RSRC1: variants seen among roughly 807,000 people sequenced by gnomAD.
The protein encoded by RSRC1 is serine/Arginine-related protein 53.
In RSRC1, 39 loss-of-function variants were observed where a neutral mutation model predicts 49.1. That is an observed-to-expected ratio of 0.79 (90% CI 0.61 to 1.04). The LOEUF (loss-of-function observed/expected upper bound fraction) is 1.04. RSRC1 is among the 50% of genes least tolerant of loss of function. The pLI is 0.00. For missense variants in RSRC1, 388 were observed against 402.4 expected (o/e 0.96, Z 0.31); for synonymous variants, 143 against 130.8 (o/e 1.09, Z -0.63).
At chr3:158,535,365 AG>A (rs1712659998) in intron 7 of RSRC1, among the ~76,000 whole-genome samples, 1 of 151,440 alleles carries the variant, frequency 6.6e-6, no homozygotes, top group African/African-American at 2.4e-5. Context: ...GTAAGAAAAA[AG>A]ATGTACAAAT....
intron 4 of RSRC1, among the ~76,000 whole-genome samples, chr3:158,217,980 A>G (rs1315771312): frequency 1.3e-5 from 2 of 151,394 alleles, no homozygotes; most frequent in Non-Finnish European, 3.0e-5. Flanking sequence ...CAGAGAGAGG[A>G]AACATCATCA....
intron 6 of RSRC1, among the ~76,000 whole-genome samples, chr3:158,437,852 C>T (rs970447276): frequency 1.3e-5 from 2 of 152,028 alleles, no homozygotes; most frequent in African/African-American, 4.8e-5. Context: ...AAAGGGTATT[C>T]AATTAGAAAA....
chr3:158,353,862 T>G (rs561967636), intron 5 of RSRC1, among the ~76,000 whole-genome samples: 100 of 152,234 alleles, frequency 6.6e-4, no homozygotes, highest in African/African-American at 2.3e-3. Flanking sequence ...GGACAACAGT[T>G]TTTTTAACAG....
chr3:158,300,743 T>A (rs930672238), intron 5 of RSRC1, among the ~76,000 whole-genome samples: 2 of 152,192 alleles, frequency 1.3e-5, no homozygotes, highest in African/African-American at 4.8e-5. Context: ...CTTTCTTCAG[T>A]CTTTGTTTTT....
In RSRC1 at chr3:158,417,362, C is replaced by A. The variant is rs1406947176; in HGVS notation, c.584-43573C>A. On this transcript the variant is annotated intron_variant, in intron 6 of 9. Transcript: ENST00000611884. ...AGCATTTTATTTATGTTAGAGAAAT[C>A]TCTGCTTCACATGCAAATTGTTTTC... 2.0e-5 allele frequency among the ~76,000 whole-genome samples: 3 copies of A among 152,150 alleles called. No individual in the cohort carries two copies. In the East Asian group the frequency reaches 5.8e-4, roughly 30 times the overall value.
intron 3 of RSRC1, among the ~76,000 whole-genome samples, chr3:158,126,990 T>C (rs1447013819): frequency 2.0e-5 from 3 of 152,180 alleles, no homozygotes; most frequent in Admixed American, 6.6e-5. Flanking sequence ...GCAAAATTGC[T>C]GAAATCTTAT....
intron 6 of RSRC1, among the ~76,000 whole-genome samples, chr3:158,371,075 T>C (rs959164288): frequency 6.6e-6 from 1 of 151,890 alleles, no homozygotes; most frequent in African/African-American, 2.4e-5. Flanking sequence ...TTACCATCTG[T>C]ATACTTTCTG....
intron 3 of RSRC1, among the ~76,000 whole-genome samples, chr3:158,168,228 T>C (rs986889378): frequency 5.3e-5 from 8 of 152,128 alleles, no homozygotes; most frequent in Non-Finnish European, 1.0e-4. Context: ...AAGGAAGAAT[T>C]TGTGGACTAT....
In RSRC1 at chr3:158,118,462, T is replaced by TGCGC. The variant is rs1378375739; in HGVS notation, c.-2-3639_-2-3636dup. On this transcript the variant is annotated intron_variant, in intron 1 of 9. Coordinates refer to ENST00000611884, the MANE Select transcript of RSRC1 (RefSeq NM_001271838.2). Reference sequence around the variant, plus strand: ...GTGTGTGTGTGTGTGTGTGTGTGTGTGCGCGTGCGCGTGGTTTTTTTAAAT... The same window carrying TGCGC: ...GTGTGTGTGTGTGTGTGTGTGTGTGTGCGCGCGCGTGCGCGTGGTTTTTTTAAAT... Among the ~76,000 whole-genome samples the TGCGC allele has an allele frequency of 8.1e-3, 1,011 of 124,682 alleles. 15 individuals carry two copies. Among genetic ancestry groups the TGCGC allele is most frequent in the African/African-American group, 0.011 (331 of 30,248 alleles). The allele number at this position is 124,682 out of a possible 152,430, so 81.8% of individuals were successfully genotyped here. A position where few individuals can be genotyped will look rare whatever the true frequency, so the allele number is the denominator to read the frequency against.
At chr3:158,254,238 GT>G (rs1176367531) in intron 4 of RSRC1, among the ~76,000 whole-genome samples, 9 of 152,254 alleles carry the variant, frequency 5.9e-5, no homozygotes, top group Non-Finnish European at 1.2e-4. Context: ...GTGTGCCTGT[GT>G]TTTTATAGTA....
chr3:158,154,622 G>GC (rs1257942773), intron 3 of RSRC1, among the ~76,000 whole-genome samples: 1 of 151,822 alleles, frequency 6.6e-6, no homozygotes, highest in African/African-American at 2.4e-5. Flanking sequence ...ATGCCACCAT[G>GC]CCCAGCTAAT....
intron 6 of RSRC1, among the ~76,000 whole-genome samples, chr3:158,402,194 C>A (rs1329673874): frequency 6.6e-6 from 1 of 151,884 alleles, no homozygotes; most frequent in African/African-American, 2.4e-5. Flanking sequence ...ACATATGCCG[C>A]CCTCAGAGTT....
At chr3:158,128,908 A>G (rs1715806740) in intron 3 of RSRC1, among the ~76,000 whole-genome samples, 1 of 152,176 alleles carries the variant, frequency 6.6e-6, no homozygotes, top group Non-Finnish European at 1.5e-5. Context: ...AGAGTGAGCT[A>G]TGCATTTTTG....
chr3:158,246,694 T>A (rs75314234), intron 4 of RSRC1, among the ~76,000 whole-genome samples: 1 of 152,222 alleles, frequency 6.6e-6, no homozygotes, highest in African/African-American at 2.4e-5. Context: ...TCTTTAAGAA[T>A]GTTGAATGTT....
At chr3:158,166,813 T>C (rs182509442) in intron 3 of RSRC1, among the ~76,000 whole-genome samples, 5 of 152,342 alleles carry the variant, frequency 3.3e-5, no homozygotes, top group African/African-American at 1.2e-4. Flanking sequence ...TTTTGCTTTT[T>C]GTTAATACCT....
intron 7 of RSRC1, among the ~76,000 whole-genome samples, chr3:158,532,663 T>C (rs1712472916): frequency 6.6e-6 from 1 of 151,848 alleles, no homozygotes; most frequent in Admixed American, 6.6e-5. Flanking sequence ...TGACTTGGCT[T>C]TCTGAGTCTA....
intron 6 of RSRC1, among the ~76,000 whole-genome samples, chr3:158,388,612 GT>G (rs11354237): frequency 0.53 from 76,018 of 143,940 alleles, 20,111 homozygotes; most frequent in South Asian, 0.7. Context: ...CGTGTTTTTT[GT>G]TTTTTTTTTT....
chr3:158,380,771 G>A (rs1732657471), intron 6 of RSRC1, among the ~76,000 whole-genome samples: 1 of 151,996 alleles, frequency 6.6e-6, no homozygotes, highest in African/African-American at 2.4e-5. Context: ...TATTTGGTGA[G>A]GGAATATAAA....
chr3:158,247,974 C>G (rs1379515130), intron 4 of RSRC1, among the ~76,000 whole-genome samples: 3 of 152,176 alleles, frequency 2.0e-5, no homozygotes, highest in African/African-American at 7.2e-5. Context: ...ATAGAGAACC[C>G]AGAAATAAGA....
Sources: allele counts gnomAD v4.1 joint callset (sites outside exome capture counted in the v4.1 genomes callset), GRCh38; gene constraint gnomAD v4.1.1; transcripts MANE v1.5; gene names NCBI Gene and HGNC (gene_info 2026-07-23, HGNC 2026-07-21).